The following LYPLAL1 variants were observed in gnomAD, a reference collection of about 807,000 sequenced individuals.
The protein encoded by LYPLAL1 is lysophospholipase like 1, also known as lysophospholipase-like protein 1.
In LYPLAL1, 23 loss-of-function variants were observed where a neutral mutation model predicts 19.7. The observed-to-expected ratio is 1.17, with a 90% CI of 0.84 to 1.65. The LOEUF (loss-of-function observed/expected upper bound fraction) is 1.65, where lower values mean the gene tolerates loss of function less well. Among genes scored for constraint, LYPLAL1 ranks in the 40% most tolerant of loss-of-function variants. LYPLAL1 has a pLI of 0.00. For missense variants in LYPLAL1, 355 were observed against 279.4 expected (o/e 1.27, Z -1.93); for synonymous variants, 119 against 96.3 (o/e 1.24, Z -1.38).
At chr1:219,241,132 C>CTATATATATA in the LYPLAL1 span, among the ~76,000 whole-genome samples, 42 of 57,508 alleles carry the variant, frequency 7.3e-4, no homozygotes, top group East Asian at 1.0e-3. Context: ...CTCTCTCTCT[C>CTATATATATA]TCTATATATA....
chr1:219,178,969 T>C (rs571944117), intron 1 of LYPLAL1, among the ~76,000 whole-genome samples, 178 bp from the exon 2 acceptor site: 16 of 152,198 alleles, frequency 1.1e-4, no homozygotes, highest in Non-Finnish European at 1.8e-4. Flanking sequence ...TTGCTAGTTA[T>C]TGAGACCTAG....
At chr1:219,420,762 C>A in the LYPLAL1 span, among the ~76,000 whole-genome samples, 7 of 152,196 alleles carry the variant, frequency 4.6e-5, no homozygotes, top group East Asian at 1.9e-4. Context: ...ATAATTAGAA[C>A]CACTTATTTT....
intron 1 of LYPLAL1, 32 bp downstream of exon 1, chr1:219,174,013 C>T: frequency 1.2e-6 from 2 of 1,613,656 alleles, no homozygotes; most frequent in Non-Finnish European, 1.7e-6. Flanking sequence ...TGGTTTTCTA[C>T]AGCTCGGGAA....
chr1:219,427,976 T>C, the LYPLAL1 span, among the ~76,000 whole-genome samples: 1 of 152,182 alleles, frequency 6.6e-6, no homozygotes, highest in Non-Finnish European at 1.5e-5. Context: ...TTCAAAGATT[T>C]CCAGGCCTTC....
chr1:219,247,145 T>G, the LYPLAL1 span, among the ~76,000 whole-genome samples: 1 of 152,248 alleles, frequency 6.6e-6, no homozygotes, highest in Non-Finnish European at 1.5e-5. Flanking sequence ...GATTATTCTT[T>G]GTTAGCAATT....
chr1:219,403,241 C>T, the LYPLAL1 span, among the ~76,000 whole-genome samples: 2 of 152,154 alleles, frequency 1.3e-5, no homozygotes, highest in Non-Finnish European at 2.9e-5. Context: ...AGAAGTAGTC[C>T]TTGCCTTCTA....
chr1:219,295,615 G>A, the LYPLAL1 span, among the ~76,000 whole-genome samples: 1 of 151,932 alleles, frequency 6.6e-6, no homozygotes, highest in Non-Finnish European at 1.5e-5. Flanking sequence ...TTTCCCTAAT[G>A]TCCCCTTCTC....
At chr1:219,391,131 ATTTC>A in the LYPLAL1 span, among the ~76,000 whole-genome samples, 1 of 152,098 alleles carries the variant, frequency 6.6e-6, no homozygotes, top group Non-Finnish European at 1.5e-5. Context: ...ATTTGTCTTT[ATTTC>A]TTCCTTTCCA....
chr1:219,426,188 C>T, the LYPLAL1 span, among the ~76,000 whole-genome samples: 2 of 152,108 alleles, frequency 1.3e-5, no homozygotes, highest in Non-Finnish European at 2.9e-5. Flanking sequence ...AAAGGTGAAA[C>T]CTAAGATGAC....
chr1:219,326,811 G>A, the LYPLAL1 span, among the ~76,000 whole-genome samples: 17 of 152,240 alleles, frequency 1.1e-4, no homozygotes, highest in Middle Eastern at 3.4e-3. Context: ...AACAGGTTGC[G>A]GCATGGGATT....
chr1:219,239,504 A>C, the LYPLAL1 span, among the ~76,000 whole-genome samples: 1 of 152,254 alleles, frequency 6.6e-6, no homozygotes, highest in East Asian at 1.9e-4. Flanking sequence ...TGGAAGAAGC[A>C]CTATCGGGAT....
At chr1:219,200,169 A>G (rs1657982845) in intron 3 of LYPLAL1, 4 of 240,422 alleles carry the variant, frequency 1.7e-5, no homozygotes, top group Admixed American at 1.2e-4. Context: ...TGGAATTGGT[A>G]TAGAGCTTCA....
At chr1:219,245,389 A>G in the LYPLAL1 span, among the ~76,000 whole-genome samples, 2 of 152,202 alleles carry the variant, frequency 1.3e-5, no homozygotes, top group Non-Finnish European at 2.9e-5. Flanking sequence ...AGTCTGCCCT[A>G]TGTCTGGAGT....
At chr1:219,280,491 G>A in the LYPLAL1 span, among the ~76,000 whole-genome samples, 3 of 152,126 alleles carry the variant, frequency 2.0e-5, no homozygotes, top group African/African-American at 7.2e-5. Flanking sequence ...ACAGGTGGGA[G>A]AGGGGAGATG....
At chr1:219,232,513 G>A in the LYPLAL1 span, among the ~76,000 whole-genome samples, 1 of 152,080 alleles carries the variant, frequency 6.6e-6, no homozygotes, top group Non-Finnish European at 1.5e-5. Flanking sequence ...AGCATAAGCA[G>A]CAAAAGTAAA....
At chr1:219,324,517 A>G in the LYPLAL1 span, among the ~76,000 whole-genome samples, 1 of 152,184 alleles carries the variant, frequency 6.6e-6, no homozygotes, top group African/African-American at 2.4e-5. Context: ...CATTTAATAA[A>G]GGCAGCAGCT....
chr1:219,300,966 A>G, the LYPLAL1 span, among the ~76,000 whole-genome samples: 30 of 152,072 alleles, frequency 2.0e-4, no homozygotes, highest in Non-Finnish European at 4.1e-4. Context: ...ATGCACCTGC[A>G]GTCCCAGCTA....
the LYPLAL1 span, among the ~76,000 whole-genome samples, chr1:219,299,157 T>TG: frequency 9.2e-6 from 1 of 108,698 alleles, no homozygotes; most frequent in Non-Finnish European, 1.9e-5. Flanking sequence ...TTTTTTTTTT[T>TG]GTCTTTTAAA....
the LYPLAL1 span, among the ~76,000 whole-genome samples, chr1:219,274,408 T>A: frequency 2.0e-5 from 3 of 152,098 alleles, no homozygotes; most frequent in Admixed American, 6.5e-5. Flanking sequence ...TGTTTTGAGA[T>A]GGAGTCTTGC....
Sources: gnomAD v4.1 joint callset for allele counts (sites outside exome capture counted in the v4.1 genomes callset) on GRCh38, gnomAD v4.1.1 for gene constraint, MANE v1.5 for transcripts, NCBI Gene and HGNC (gene_info 2026-07-23, HGNC 2026-07-21) for gene names.